DNAH5: variants seen among roughly 807,000 people sequenced by gnomAD.
DNAH5 encodes axonemal beta dynein heavy chain 5.
A neutral mutation model predicts 518.2 loss-of-function variants in DNAH5; 372 were observed. The ratio of observed to expected loss-of-function variants is 0.72; its 90% confidence interval spans 0.66 to 0.78. DNAH5 has a LOEUF of 0.78. Among genes scored for constraint, DNAH5 ranks in the 30% least tolerant of loss-of-function variants. The probability of loss-of-function intolerance (pLI) is 0.00; values close to 1 mark genes in which losing one functional copy is unlikely to be tolerated. For missense variants in DNAH5, 5,523 were observed against 5,687.0 expected (o/e 0.97, Z 0.93); for synonymous variants, 2,039 against 2,025.9 (o/e 1.01, Z -0.17).
intron 15 of DNAH5, among the ~76,000 whole-genome samples, chr5:13,897,178 T>C (rs1172812460): frequency 6.6e-6 from 1 of 152,216 alleles, no homozygotes. Context: ...ATAATGTTTT[T>C]CCACAATTTC....
Position 13,885,967 on chromosome 5 carries a change from A to C in DNAH5, c.2740T>G (p.Ser914Ala), listed in dbSNP as rs755457427. Residue 914 changes from serine to alanine, a missense_variant, in exon 18 of 79, where the codon TCA (serine) becomes GCA (alanine). By Grantham distance (99) the Ser-to-Ala change is moderately conservative. Coordinates refer to ENST00000265104, the MANE Select transcript of DNAH5 (RefSeq NM_001369.3). Reference protein sequence around the residue: ...ENSVNYKNESSAKREEGNFDT... With the variant: ...ENSVNYKNESAAKREEGNFDT... ...CTTTCATTACCCCATCTCTTACCTGAACTTTCATTTTTGTAATTAACACTA... is the reference window on the plus strand; with the variant it reads ...CTTTCATTACCCCATCTCTTACCTGCACTTTCATTTTTGTAATTAACACTA... The C allele has an allele frequency of 1.2e-6, 2 of 1,612,628 alleles. No individual in the cohort carries two copies. Among genetic ancestry groups the C allele is most frequent in the South Asian group, 1.1e-5 (1 of 90,962 alleles).
intron 1 of DNAH5, among the ~76,000 whole-genome samples, chr5:13,939,625 C>T (rs984316826): frequency 2.0e-5 from 3 of 152,110 alleles, no homozygotes; most frequent in African/African-American, 7.2e-5. Flanking sequence ...AGAGAAGAGG[C>T]TGCTCTGTGA....
chr5:13,798,788 ATTTT>A (rs1301387729), intron 47 of DNAH5, among the ~76,000 whole-genome samples: 2 of 132,980 alleles, frequency 1.5e-5, no homozygotes, highest in Non-Finnish European at 3.3e-5. Flanking sequence ...TTATTTATTT[ATTTT>A]GAGACAGTGT....
intron 52 of DNAH5, 61 bp downstream of exon 52, chr5:13,786,118 C>G: frequency 6.6e-7 from 1 of 1,524,834 alleles, no homozygotes; most frequent in Admixed American, 1.7e-5. Flanking sequence ...GGGAGAGGAC[C>G]ATGGTGTGAA....
At position 14,006,822 on chromosome 5, in the gene DNAH5, T is replaced by C. The variant is rs1784751747; in HGVS notation, c.12+4826A>G. Among the ~76,000 whole-genome samples, 7 of 152,288 alleles carry C rather than the reference T, an allele frequency of 4.6e-5. No individual in the cohort carries two copies. The South Asian group carries it at 1.5e-3, about 32-fold the overall frequency. On this transcript the variant is annotated intron_variant, in intron 1 of 78. Transcript: ENST00000681290. ...TGACTGACAGGAGGGCTTGGTCTTT[T>C]TTATTCTTTCTTATTGATGATCACC...
At chr5:13,828,347 T>C (rs1445817) in intron 38 of DNAH5, among the ~76,000 whole-genome samples, 22,261 of 152,266 alleles carry the variant, frequency 0.15, 1,711 homozygotes, top group Admixed American at 0.19. Flanking sequence ...GTGTTATTCA[T>C]GTTATAGTCT....
In DNAH5 at chr5:13,866,257, T is replaced by A. The variant is rs1769232240; in HGVS notation, c.4079A>T (p.Lys1360Met). ...AAGCCTGTCACTGGCTTCCTGGGGC[T>A]TCAAGCCGCTAGCCATTGGACCATT... Reference protein sequence around the residue: ...DLNGPMASGLKPQEASDRLIM... With the variant: ...DLNGPMASGLMPQEASDRLIM... The change falls in exon 26 of 79, where the codon AAG becomes ATG. Residue 1360 changes from lysine to methionine, a missense_variant. By Grantham distance (95) the Lys-to-Met change is moderately conservative (BLOSUM62 -1). This residue lies in a region of DNAH5 where 5,121 missense variants were observed against 5,223.3 expected (regional missense o/e 0.98). Transcript: ENST00000265104. 1.2e-6 allele frequency: 2 copies of A among 1,613,192 alleles called. No individual in the cohort carries two copies. The highest frequency in any genetic ancestry group is 1.7e-4 in the Middle Eastern group (1 of 6,054).
intron 1 of DNAH5, among the ~76,000 whole-genome samples, chr5:13,956,585 A>G (rs1226837500): frequency 6.6e-6 from 1 of 152,246 alleles, no homozygotes; most frequent in Non-Finnish European, 1.5e-5. Flanking sequence ...TGTAAAAGGC[A>G]AATCCCAGCC....
intron 68 of DNAH5, among the ~76,000 whole-genome samples, chr5:13,732,821 A>G (rs567416108): frequency 6.6e-6 from 1 of 152,264 alleles, no homozygotes; most frequent in East Asian, 1.9e-4. Context: ...GCACCATAAC[A>G]CTATCTAAAT....
Position 13,900,215 on chromosome 5 carries a change from A to C in DNAH5, c.2250T>G (p.Ser750Arg), listed in dbSNP as rs1458551560. 6.2e-7 allele frequency: 1 copy of C among 1,613,350 alleles called. No homozygotes were observed. The highest frequency in any genetic ancestry group is 8.5e-7 in the Non-Finnish European group (1 of 1,179,262). Reference protein sequence around the residue: ...QKRDRYKRNFSNMKMMLAEYQ... With the variant: ...QKRDRYKRNFRNMKMMLAEYQ... ...AATAAAAGTAGTATACCTTCATGTT[A>C]CTGAAGTTCCTTTTGTATCTATCTC... The change falls in exon 15 of 79, where the codon AGT (serine) becomes AGG (arginine). Residue 750 changes from serine (S) to arginine (R), a missense_variant. Transcript: ENST00000265104.
chr5:14,000,807 A>T (rs1182637753), intron 1 of DNAH5, among the ~76,000 whole-genome samples: 1 of 152,196 alleles, frequency 6.6e-6, no homozygotes, highest in African/African-American at 2.4e-5. Context: ...TACCCAAAGG[A>T]AAATACATCA....
intron 42 of DNAH5, among the ~76,000 whole-genome samples, chr5:13,815,938 G>T (rs980192387): frequency 6.6e-6 from 1 of 152,194 alleles, no homozygotes; most frequent in African/African-American, 2.4e-5. Context: ...TGAAGACAGA[G>T]GCTCTGTAAC....
At chr5:13,873,581 T>C (rs1770446199) in intron 22 of DNAH5, among the ~76,000 whole-genome samples, 2 of 152,150 alleles carry the variant, frequency 1.3e-5, no homozygotes, top group South Asian at 2.1e-4. Context: ...CTTTTTTAGA[T>C]TAGCCTCTTG....
rs138243816 is a variant in DNAH5, at chr5:14,004,318, G to A, written c.12+7330C>T. On this transcript the variant is annotated intron_variant, in intron 1 of 78. Coordinates refer to the DNAH5 transcript ENST00000681290. ...AGATCAGTTACAGCCACCTTTCTCT[G>A]ATGAGCTGCGGGCTAGCTAATTAAA... is the stretch of plus-strand genomic sequence containing the variant. Among the ~76,000 whole-genome samples, 16 of 152,276 alleles carry A rather than the reference G, an allele frequency of 1.1e-4. No individual in the cohort carries two copies. The East Asian group carries it at 3.1e-3, about 29-fold the overall frequency.
intron 65 of DNAH5, among the ~76,000 whole-genome samples, chr5:13,749,675 T>C (rs1298256484): frequency 1.3e-5 from 2 of 152,176 alleles, no homozygotes; most frequent in Non-Finnish European, 2.9e-5. Flanking sequence ...CTTATCTCCA[T>C]GAAGCCAAGG....
intron 51 of DNAH5, among the ~76,000 whole-genome samples, chr5:13,788,298 A>G (rs1756385689): frequency 6.6e-6 from 1 of 152,234 alleles, no homozygotes. Flanking sequence ...TTCTACAGAT[A>G]ACATTTCATG....
intron 1 of DNAH5, among the ~76,000 whole-genome samples, chr5:13,972,233 G>T (rs1251332322): frequency 6.6e-6 from 1 of 152,152 alleles, no homozygotes; most frequent in Non-Finnish European, 1.5e-5. Context: ...ACTTGCCTCA[G>T]GCTACAAGCC....
At chr5:13,994,887 T>C (rs891542321) in intron 1 of DNAH5, among the ~76,000 whole-genome samples, 2 of 152,190 alleles carry the variant, frequency 1.3e-5, no homozygotes, top group African/African-American at 4.8e-5. Context: ...GCTGCTTGTG[T>C]TCATTGCCAC....
Position 13,882,803 on chromosome 5 carries a change from C to G in DNAH5, c.3187G>C (p.Glu1063Gln). Residue 1063 changes from glutamate to glutamine, a missense_variant, in exon 21 of 79, where the codon GAA becomes CAA. Coordinates refer to ENST00000265104, the MANE Select transcript of DNAH5 (RefSeq NM_001369.3). ...SELLSKKKIQ[E>Q]RKMAALQSNE... Reference sequence around the variant, plus strand: ...CTCTGCAAAGCAGCCATTTTTCTTTCTTGTATCTTTTTCTACAATGTAAAA... The same window carrying G: ...CTCTGCAAAGCAGCCATTTTTCTTTGTTGTATCTTTTTCTACAATGTAAAA... 6.2e-7 allele frequency: 1 copy of G among 1,614,048 alleles called. No individual in the cohort carries two copies. Among genetic ancestry groups the G allele is most frequent in the Non-Finnish European group, 8.5e-7 (1 of 1,179,924 alleles).
Sources: allele counts gnomAD v4.1 joint callset (sites outside exome capture counted in the v4.1 genomes callset), GRCh38; gene constraint gnomAD v4.1.1; regional missense constraint gnomAD v4.1.1; transcripts MANE v1.5; gene names NCBI Gene and HGNC (gene_info 2026-07-23, HGNC 2026-07-21).